DSCAML1: variants seen among roughly 807,000 people sequenced by gnomAD.
DSCAML1 encodes the protein DS cell adhesion molecule like 1.
DSCAML1 carries 38 observed loss-of-function variants against 200.5 expected under a neutral mutation model. The ratio of observed to expected loss-of-function variants is 0.19; its 90% CI spans 0.15 to 0.25. DSCAML1 has a LOEUF of 0.25. Among genes scored for constraint, DSCAML1 ranks in the 10% least tolerant of loss-of-function variants. The probability of loss-of-function intolerance (pLI) is 1.00; values close to 1 mark genes in which losing one functional copy is unlikely to be tolerated. For synonymous variants in DSCAML1, 1,215 were observed against 1,165.0 expected (o/e 1.04, Z -0.87); for missense variants, 2,223 against 2,858.8 (o/e 0.78, Z 5.07).
At position 117,507,620 on chromosome 11, in the gene DSCAML1, C is replaced by T. The variant is rs763112703; in HGVS notation, c.1784-1888G>A. The stretch of plus-strand genomic sequence containing the variant: ...CCTTCCAATGTCATCTTCCACCTCG[C>T]GCTCACTCCAGCCTGTGCTCCCACC... On this transcript the variant is annotated intron_variant, in intron 8 of 32. Coordinates refer to ENST00000651296, the MANE Select transcript of DSCAML1 (RefSeq NM_020693.4). 5.9e-5 allele frequency among the ~76,000 whole-genome samples: 9 copies of T among 152,180 alleles called. No individual in the cohort carries two copies. The East Asian group carries it at 1.5e-3, about 26-fold the overall frequency.
intron 6 of DSCAML1, among the ~76,000 whole-genome samples, chr11:117,519,167 T>A (rs1048854191): frequency 3.9e-5 from 6 of 152,358 alleles, no homozygotes; most frequent in African/African-American, 1.4e-4. Context: ...CTGCTTCCTC[T>A]CAACTCTTCC....
chr11:117,704,949 G>C (rs536433302), intron 3 of DSCAML1, among the ~76,000 whole-genome samples: 1 of 152,132 alleles, frequency 6.6e-6, no homozygotes, highest in Non-Finnish European at 1.5e-5. Context: ...GGTGGGTGGC[G>C]AAGGCAGTGA....
intron 3 of DSCAML1, among the ~76,000 whole-genome samples, chr11:117,690,929 A>C (rs1419433482): frequency 6.6e-6 from 1 of 152,154 alleles, no homozygotes; most frequent in Non-Finnish European, 1.5e-5. Flanking sequence ...GTTTGAAGCA[A>C]GGGTTCCACA....
At chr11:117,526,311 C>T (rs2137327965) in intron 4 of DSCAML1, among the ~76,000 whole-genome samples, 1 of 152,286 alleles carries the variant, frequency 6.6e-6, no homozygotes, top group East Asian at 1.9e-4. Context: ...TGTCCCCTGT[C>T]TCCATGGAAG....
intron 5 of DSCAML1, among the ~76,000 whole-genome samples, chr11:117,521,899 C>T (rs1232734975): frequency 6.6e-6 from 1 of 152,188 alleles, no homozygotes; most frequent in Non-Finnish European, 1.5e-5. Flanking sequence ...AGGCCTGGAG[C>T]TCCCAACCTG....
chr11:117,694,415 A>G (rs1299633594), intron 3 of DSCAML1, among the ~76,000 whole-genome samples: 1 of 151,996 alleles, frequency 6.6e-6, no homozygotes, highest in Non-Finnish European at 1.5e-5. Flanking sequence ...CAAAAGAAAA[A>G]AAAAAAAAGA....
chr11:117,671,887 G>A (rs1172971945), intron 3 of DSCAML1, among the ~76,000 whole-genome samples: 6 of 151,946 alleles, frequency 3.9e-5, no homozygotes, highest in African/African-American at 9.7e-5. Context: ...CGAGGCGGGC[G>A]GATTACCTGA....
At chr11:117,719,372 C>T (rs149011991) in intron 3 of DSCAML1, among the ~76,000 whole-genome samples, 2,054 of 152,208 alleles carry the variant, frequency 0.013, 36 homozygotes, top group African/African-American at 0.046. Context: ...TGAACCCGGG[C>T]GGCGAAGGTG....
intron 3 of DSCAML1, among the ~76,000 whole-genome samples, chr11:117,590,315 A>C (rs1217350218): frequency 6.6e-6 from 1 of 151,866 alleles, no homozygotes; most frequent in African/African-American, 2.4e-5. Flanking sequence ...CAGCCTCCCA[A>C]GTAGCTAGGA....
intron 3 of DSCAML1, among the ~76,000 whole-genome samples, chr11:117,574,979 T>G (rs1228365966): frequency 6.6e-6 from 1 of 151,840 alleles, no homozygotes; most frequent in Non-Finnish European, 1.5e-5. Flanking sequence ...TCTCCTGAGG[T>G]CAGGAGTTCG....
chr11:117,439,188 A>T (rs1565679230), intron 23 of DSCAML1, 78 bp downstream of exon 23: 1 of 1,553,140 alleles, frequency 6.4e-7, no homozygotes, highest in East Asian at 2.3e-5. Flanking sequence ...CCATTCGATG[A>T]CCCTCTCGCA....
chr11:117,565,954 C>G (rs913573025), intron 3 of DSCAML1, among the ~76,000 whole-genome samples: 3 of 152,212 alleles, frequency 2.0e-5, no homozygotes, highest in South Asian at 2.1e-4. Context: ...TGTCTCCCCC[C>G]TCCCTCACTG....
chr11:117,428,607 G>T lies in DSCAML1; in HGVS notation c.5883C>A (p.Pro1961=). 1.2e-6 allele frequency: 2 copies of T among 1,605,108 alleles called. No homozygotes were observed. Among genetic ancestry groups the T allele is most frequent in the East Asian group, 2.2e-5 (1 of 44,556 alleles). Reference sequence around the variant, plus strand: ...GTAAGGTGGCTGTGGAGGCGGCAGCGGGGGCCCCTGGGTGGGGAAGGCCCA... The same window carrying T: ...GTAAGGTGGCTGTGGAGGCGGCAGCTGGGGCCCCTGGGTGGGGAAGGCCCA... ...KSLGLPHPGA[P]AAASTATLPQ... Residue 1961 remains proline (P), a synonymous_variant, in exon 33 of 33, where the codon CCC becomes CCA. Coordinates refer to ENST00000651296, the MANE Select transcript of DSCAML1 (RefSeq NM_020693.4).
At chr11:117,568,457 T>C (rs941879893) in intron 3 of DSCAML1, among the ~76,000 whole-genome samples, 6 of 152,338 alleles carry the variant, frequency 3.9e-5, no homozygotes, top group Non-Finnish European at 7.3e-5. Context: ...GATGACATGA[T>C]TGTATATCTA....
At chr11:117,453,139 T>C (rs564955156) in intron 19 of DSCAML1, among the ~76,000 whole-genome samples, 319 of 152,306 alleles carry the variant, frequency 2.1e-3, no homozygotes, top group African/African-American at 7.4e-3. Context: ...TTCACCATGT[T>C]GGCCAGGCTG....
At chr11:117,614,303 C>T (rs1196817576) in intron 3 of DSCAML1, among the ~76,000 whole-genome samples, 1 of 152,126 alleles carries the variant, frequency 6.6e-6, no homozygotes, top group African/African-American at 2.4e-5. Flanking sequence ...AAATGACAAT[C>T]GTGCAACAGC....
chr11:117,544,618 C>A (rs532058111), intron 3 of DSCAML1, among the ~76,000 whole-genome samples: 5 of 152,264 alleles, frequency 3.3e-5, no homozygotes, highest in African/African-American at 1.2e-4. Flanking sequence ...GGAAGCCAGG[C>A]CCATCCTTCT....
At position 117,780,424 on chromosome 11, in the gene DSCAML1, C is replaced by T. The variant is rs2055231992; in HGVS notation, c.364+69G>A. ...GTGAACGACTTCTTGCAAGCCCCTC[C>T]GAATATCCTCAGAATGACGGCGCAG... On this transcript the variant is annotated intron_variant, in intron 2 of 32. Coordinates refer to ENST00000651296, the MANE Select transcript of DSCAML1 (RefSeq NM_020693.4). This position sits in a 1 kb window ranked among gnomAD's most constrained non-coding sequence, Gnocchi z 4.8. The T allele has an allele frequency of 1.5e-6, 2 of 1,336,952 alleles. No homozygotes were observed. Among genetic ancestry groups the T allele is most frequent in the South Asian group, 2.3e-5 (1 of 43,972 alleles). The allele number at this position is 1,336,952 out of a possible 1,614,324, so 82.8% of individuals were successfully genotyped here. A position where few individuals can be genotyped will look rare whatever the true frequency, so the allele number is the denominator to read the frequency against.
rs562830591 is a variant in DSCAML1, at chr11:117,437,608, G to C, written c.4433-199C>G. On this transcript the variant is annotated intron_variant, in intron 25 of 32. Coordinates refer to ENST00000651296, the MANE Select transcript of DSCAML1 (RefSeq NM_020693.4). This position sits in a 1 kb window ranked among gnomAD's most constrained non-coding sequence, Gnocchi z 5.3. ...AGGGGAGGGAGGAGAGGGAAGAAAA[G>C]GGCAGGGCCTGGAGAGGGGCCTCAG... is the stretch of plus-strand genomic sequence containing the variant. Among the ~76,000 whole-genome samples, 30 of 152,256 alleles carry C rather than the reference G, an allele frequency of 2.0e-4. No homozygotes were observed. Among genetic ancestry groups the C allele is most frequent in the Non-Finnish European group, 3.8e-4 (26 of 68,016 alleles).
Sources: gnomAD v4.1 joint callset for allele counts (sites outside exome capture counted in the v4.1 genomes callset) on GRCh38, gnomAD v4.1.1 for gene constraint, Gnocchi (gnomAD v3.1) non-coding constraint, MANE v1.5 for transcripts, NCBI Gene and HGNC (gene_info 2026-07-23, HGNC 2026-07-21) for gene names.